Variants in ADCY7 observed in about 807,000 individuals in gnomAD.
ADCY7 encodes the protein adenylate cyclase type 7.
Under a neutral mutation model 120.6 loss-of-function variants are expected in ADCY7, and 72 were observed. The observed-to-expected ratio is 0.60, with a 90% confidence interval of 0.49 to 0.73. The LOEUF (loss-of-function observed/expected upper bound fraction) is 0.73, where lower values mean the gene tolerates loss of function less well. Among genes scored for constraint, ADCY7 ranks in the 30% least tolerant of loss-of-function variants. The pLI, the probability that ADCY7 is intolerant of heterozygous loss-of-function variation, is 0.00. For missense variants in ADCY7, 1,227 were observed against 1,486.0 expected (o/e 0.83, Z 2.87); for synonymous variants, 661 against 628.0 (o/e 1.05, Z -0.78).
chr16:50,310,307 C>CT lies in ADCY7; in HGVS notation c.2161-377dup, dbSNP rs1027631934. On this transcript the variant is annotated intron_variant, in intron 18 of 25. Transcript: ENST00000673801. ...AATGCCGGGGTGTGAAGAGCGTGGT[C>CT]TTTATTCTGGGGGCTGGGGAGCCAC... The CT allele has an allele frequency of 1.1e-4, 75 of 708,668 alleles. No individual in the cohort carries two copies. The African/African-American group carries it at 1.2e-3, about 12-fold the overall frequency. 43.9% of individuals were successfully genotyped at this position (708,668 alleles called of 1,614,324 possible). A position where few individuals can be genotyped will look rare whatever the true frequency, so the allele number is the denominator to read the frequency against.
At chr16:50,271,942 A>G (rs1596827556) in intron 1 of ADCY7, among the ~76,000 whole-genome samples, 1 of 151,972 alleles carries the variant, frequency 6.6e-6, no homozygotes, top group African/African-American at 2.4e-5. Context: ...CCCTCTTCTC[A>G]CCATCCTCCC....
chr16:50,294,631 C>A lies in ADCY7; in HGVS notation c.837-9C>A. The A allele has an allele frequency of 6.5e-7, 1 of 1,545,262 alleles. No homozygotes were observed. ...TCTGACACTCCCTCCCACCCTGCCCCATCCCCAGCATCCTCTATGCGGACA... is the reference window on the plus strand; with the variant it reads ...TCTGACACTCCCTCCCACCCTGCCCAATCCCCAGCATCCTCTATGCGGACA... On this transcript the variant is annotated splice_polypyrimidine_tract_variant and intron_variant, in intron 6 of 25. Transcript: ENST00000673801.
At chr16:50,303,584 C>G (rs564267095) in intron 10 of ADCY7, among the ~76,000 whole-genome samples, 2 of 152,254 alleles carry the variant, frequency 1.3e-5, no homozygotes, top group African/African-American at 4.8e-5. Context: ...CTGGCGAAGG[C>G]CTCAGGCATG....
chr16:50,313,729 G>C (rs916675813), intron 22 of ADCY7: 1 of 548,668 alleles, frequency 1.8e-6, no homozygotes, highest in Non-Finnish European at 3.2e-6. Context: ...ACAGATGGAA[G>C]GGAAGAGGGA....
At chr16:50,265,598 A>G (rs1002098352), upstream of ADCY7, among the ~76,000 whole-genome samples, 19 of 152,204 alleles carry the variant, frequency 1.2e-4, no homozygotes, top group African/African-American at 4.6e-4. Context: ...CCTAGGAAAG[A>G]CAGACCAGCA....
At chr16:50,258,661 A>G (rs1209559389) in intron 1 of ADCY7, among the ~76,000 whole-genome samples, 1 of 149,370 alleles carries the variant, frequency 6.7e-6, no homozygotes, top group Non-Finnish European at 1.5e-5. Flanking sequence ...TGGCTCAATT[A>G]TAGCTCACTG....
chr16:50,258,110 T>C (rs2032964986), intron 1 of ADCY7, among the ~76,000 whole-genome samples: 1 of 152,132 alleles, frequency 6.6e-6, no homozygotes, highest in Non-Finnish European at 1.5e-5. Context: ...GCACTTGTAA[T>C]GTAACCTCCA....
chr16:50,312,014 C>A, intron 20 of ADCY7, 22 bp from the exon 21 acceptor site: 2 of 1,613,596 alleles, frequency 1.2e-6, no homozygotes, highest in Non-Finnish European at 1.7e-6. Flanking sequence ...GGACGGGGCG[C>A]TTATGTTGCT....
chr16:50,307,597 GA>G (rs1289791564), intron 15 of ADCY7, among the ~76,000 whole-genome samples: 1 of 152,194 alleles, frequency 6.6e-6, no homozygotes, highest in African/African-American at 2.4e-5. Flanking sequence ...GGATGAGGGT[GA>G]AGTCAGAGGG....
At chr16:50,286,335 G>A (rs1377656206) in intron 1 of ADCY7, among the ~76,000 whole-genome samples, 1 of 148,952 alleles carries the variant, frequency 6.7e-6, no homozygotes, top group African/African-American at 2.5e-5. Flanking sequence ...AGTCTGAGGT[G>A]GGAGGATTGC....
At chr16:50,291,586 T>C in intron 3 of ADCY7, 150 bp from the exon 4 acceptor site, 1 of 818,290 alleles carries the variant, frequency 1.2e-6, no homozygotes, top group Non-Finnish European at 1.9e-6. Context: ...TGGCTTTTCT[T>C]GTTCCCTTGT....
chr16:50,292,971 C>T, intron 5 of ADCY7, 146 bp downstream of exon 5: 1 of 1,071,850 alleles, frequency 9.3e-7, no homozygotes, highest in Non-Finnish European at 1.3e-6. Flanking sequence ...TGGGCTCCAG[C>T]AGGGTAACCA....
intron 1 of ADCY7, among the ~76,000 whole-genome samples, chr16:50,272,414 G>A (rs537393219): frequency 2.6e-5 from 4 of 152,278 alleles, no homozygotes; most frequent in Admixed American, 6.5e-5. Flanking sequence ...ACACTGCCTC[G>A]GGCGCAGCTG....
chr16:50,263,237 G>A (rs1451571193), upstream of ADCY7, among the ~76,000 whole-genome samples: 1 of 152,108 alleles, frequency 6.6e-6, no homozygotes, highest in Admixed American at 6.5e-5. Context: ...GGTGATGCCT[G>A]TGTGGATCCC....
At position 50,298,945 on chromosome 16, in the gene ADCY7, C is replaced by T. The variant is rs2035534925; in HGVS notation, c.990C>T (p.Tyr330=). 6.2e-7 allele frequency: 1 copy of T among 1,614,016 alleles called. No individual in the cohort carries two copies. Among genetic ancestry groups the T allele is most frequent in the Non-Finnish European group, 8.5e-7 (1 of 1,180,018 alleles). Residue 330 remains tyrosine (Y), a synonymous_variant, in exon 8 of 26, where the codon TAC becomes TAT. Transcript: ENST00000673801. ...CMRIKILGDC[Y]YCVSGLPVSL... is the part of the protein sequence containing the mutation. ...GAATCAAGATCCTCGGCGACTGCTA[C>T]TACTGTGTATCGGGCCTGCCCGTGT...
chr16:50,246,816 T>C (rs1462224843), intron 1 of ADCY7, among the ~76,000 whole-genome samples: 1 of 151,884 alleles, frequency 6.6e-6, no homozygotes, highest in Non-Finnish European at 1.5e-5. Context: ...CGACCCCGGG[T>C]AGGGGAGAGA....
chr16:50,293,765 CTG>C (rs778816417), intron 6 of ADCY7, among the ~76,000 whole-genome samples: 8 of 152,196 alleles, frequency 5.3e-5, no homozygotes, highest in Non-Finnish European at 7.3e-5. Flanking sequence ...AACTGTAAAA[CTG>C]TGTGAGCAAA....
At chr16:50,259,163 C>G (rs1051257454) in intron 1 of ADCY7, among the ~76,000 whole-genome samples, 1 of 152,168 alleles carries the variant, frequency 6.6e-6, no homozygotes, top group Non-Finnish European at 1.5e-5. Context: ...GTGATAACTC[C>G]TAAGATTTGG....
chr16:50,311,298 C>T (rs1425196859), intron 19 of ADCY7, among the ~76,000 whole-genome samples: 1 of 152,076 alleles, frequency 6.6e-6, no homozygotes, highest in Non-Finnish European at 1.5e-5. Flanking sequence ...GACCTGGCCC[C>T]CCTAAACAAA....
Sources: allele counts gnomAD v4.1 joint callset (sites outside exome capture counted in the v4.1 genomes callset), GRCh38; gene constraint gnomAD v4.1.1; transcripts MANE v1.5; gene names NCBI Gene and HGNC (gene_info 2026-07-23, HGNC 2026-07-21).